Variants in CD2AP observed in about 807,000 individuals in gnomAD.
The protein encoded by CD2AP is CD2-associated protein.
CD2AP carries 46 observed loss-of-function variants against 85.1 expected under a neutral mutation model. The ratio of observed to expected loss-of-function variants is 0.54; its 90% CI spans 0.43 to 0.69. The LOEUF (loss-of-function observed/expected upper bound fraction) is 0.69. CD2AP is among the 30% of genes least tolerant of loss of function. CD2AP has a pLI of 0.00. For synonymous variants in CD2AP, 255 were observed against 252.9 expected (o/e 1.01, Z -0.08); for missense variants, 769 against 729.5 (o/e 1.05, Z -0.62).
intron 16 of CD2AP, among the ~76,000 whole-genome samples, chr6:47,610,937 AATATTTCTGATTTATATATATAT>A (rs1392053277): frequency 7.2e-6 from 1 of 138,838 alleles, no homozygotes; most frequent in African/African-American, 2.7e-5. Flanking sequence ...GAACGGATAA[AATATTTCTGATTTATATATATAT>A]ATATATATGT....
chr6:47,505,017 T>C (rs1340994815), intron 2 of CD2AP, among the ~76,000 whole-genome samples: 8 of 81,748 alleles, frequency 9.8e-5, no homozygotes, highest in African/African-American at 2.9e-4. Context: ...GTTTCTTTTT[T>C]TTTTTTTTTT....
chr6:47,563,532 G>A lies in CD2AP; in HGVS notation c.541+8766G>A, dbSNP rs138956683. ...ATTTGGTGGTTATGGTCATGCATGC[G>A]TAAGTGCAGCAGGGTGGGGATATGT... On this transcript the variant is annotated intron_variant, in intron 5 of 17. Transcript: ENST00000359314. Among the ~76,000 whole-genome samples the A allele has an allele frequency of 9.2e-5, 14 of 152,268 alleles. No individual in the cohort carries two copies. In the East Asian group the frequency reaches 1.2e-3, roughly 13 times the overall value.
chr6:47,519,970 A>C (rs1225628985), intron 2 of CD2AP, among the ~76,000 whole-genome samples: 1 of 152,210 alleles, frequency 6.6e-6, no homozygotes, highest in Non-Finnish European at 1.5e-5. Context: ...TAGATAGTAA[A>C]AAAGATTTTA....
At chr6:47,562,528 T>C in intron 5 of CD2AP, 1 of 277,722 alleles carries the variant, frequency 3.6e-6, no homozygotes, top group Non-Finnish European at 6.8e-6. Flanking sequence ...ATAAATTAGT[T>C]TGATGGCTCT....
Position 47,624,677 on chromosome 6 carries a change from C to CTGTGTG in CD2AP, c.*451_*452insGTGTGT, listed in dbSNP as rs886061523. ...TTCCATAATGCATAAGGGATATAAA[C>CTGTGTG]TCTGTGTGTGTGTGTGTGTGTGTGT... On this transcript the variant is annotated 3_prime_UTR_variant, in exon 18 of 18. Transcript: ENST00000359314. 6 of 106,076 alleles carry CTGTGTG rather than the reference C, an allele frequency of 5.7e-5. No individual in the cohort carries two copies. The highest frequency in any genetic ancestry group is 1.9e-4 in the Admixed American group (2 of 10,402). 6.6% of individuals were successfully genotyped at this position (106,076 alleles called of 1,614,324 possible). A position where few individuals can be genotyped will look rare whatever the true frequency, so the allele number is the denominator to read the frequency against.
chr6:47,491,181 T>G (rs1437932199), intron 1 of CD2AP, among the ~76,000 whole-genome samples: 3 of 152,032 alleles, frequency 2.0e-5, no homozygotes, highest in Non-Finnish European at 4.4e-5. Flanking sequence ...TAATTTATGG[T>G]AAAGCCTTTT....
At chr6:47,570,812 G>C (rs980976178) in intron 5 of CD2AP, among the ~76,000 whole-genome samples, 5 of 152,078 alleles carry the variant, frequency 3.3e-5, no homozygotes, top group Non-Finnish European at 5.9e-5. Context: ...TTCGACCCTA[G>C]AGTTCATATA....
intron 9 of CD2AP, among the ~76,000 whole-genome samples, chr6:47,580,591 C>T (rs1170673132): frequency 2.6e-5 from 4 of 152,090 alleles, no homozygotes; most frequent in Non-Finnish European, 5.9e-5. Context: ...AACATTTTTG[C>T]TCATTAAGAT....
chr6:47,482,525 C>T (rs1407969126), intron 1 of CD2AP, among the ~76,000 whole-genome samples: 5 of 151,798 alleles, frequency 3.3e-5, no homozygotes, highest in African/African-American at 9.7e-5. Context: ...ACTACAGGCA[C>T]GTGCCACCAT....
chr6:47,559,595 A>G (rs536534448), intron 5 of CD2AP, among the ~76,000 whole-genome samples: 3 of 152,252 alleles, frequency 2.0e-5, no homozygotes, highest in Admixed American at 1.3e-4. Flanking sequence ...TAATATTTTA[A>G]AATTTAATAG....
chr6:47,492,860 A>G lies in CD2AP; in HGVS notation c.5-10420A>G, dbSNP rs532992233. Among the ~76,000 whole-genome samples the G allele has an allele frequency of 3.8e-4, 58 of 151,686 alleles. No homozygotes were observed. In the South Asian group the frequency reaches 0.011, roughly 30 times the overall value. On this transcript the variant is annotated intron_variant, in intron 1 of 17. Coordinates refer to ENST00000359314, the MANE Select transcript of CD2AP (RefSeq NM_012120.3). ...TTCTTTGAGTGTTTTATATGATTCC[A>G]TTTTATGTCCTCTTTTAACATTCAA...
In CD2AP at chr6:47,506,899, A is replaced by T. The variant is rs115098553; in HGVS notation, c.165+3459A>T. Among the ~76,000 whole-genome samples, 616 of 152,290 alleles carry T rather than the reference A, an allele frequency of 4.0e-3. 2 individuals are homozygous for T. The highest frequency in any genetic ancestry group is 0.014 in the African/African-American group (562 of 41,558). On this transcript the variant is annotated intron_variant, in intron 2 of 17. Transcript: ENST00000359314. ...ATGAGACAACAATGAAGTTTGCTGC[A>T]TCAATTTGCTTATTTAGTGAAAGAT...
intron 1 of CD2AP, among the ~76,000 whole-genome samples, chr6:47,495,166 A>G (rs1249712135): frequency 1.3e-5 from 2 of 152,168 alleles, no homozygotes; most frequent in Admixed American, 1.3e-4. Context: ...TTGCGTCAAA[A>G]AGAGAGAGAG....
chr6:47,478,941 C>T (rs558062876), intron 1 of CD2AP, among the ~76,000 whole-genome samples: 1 of 152,022 alleles, frequency 6.6e-6, no homozygotes, highest in Admixed American at 6.5e-5. Flanking sequence ...AATACAAGGC[C>T]TTATATGTTA....
At chr6:47,564,627 A>G (rs1432808202) in intron 5 of CD2AP, among the ~76,000 whole-genome samples, 2 of 152,050 alleles carry the variant, frequency 1.3e-5, no homozygotes, top group Non-Finnish European at 2.9e-5. Flanking sequence ...GAAGTACACT[A>G]TAATTTTTTT....
At chr6:47,479,218 T>C (rs1765384511) in intron 1 of CD2AP, among the ~76,000 whole-genome samples, 1 of 152,186 alleles carries the variant, frequency 6.6e-6, no homozygotes, top group Admixed American at 6.5e-5. Context: ...GTAGAGCAAA[T>C]CAGGAGGACC....
chr6:47,621,560 A>G (rs1769746505), intron 17 of CD2AP, among the ~76,000 whole-genome samples: 1 of 152,154 alleles, frequency 6.6e-6, no homozygotes. Flanking sequence ...GGCTTCATAG[A>G]ATGAATTAGG....
intron 2 of CD2AP, among the ~76,000 whole-genome samples, chr6:47,507,305 C>T (rs1280474999): frequency 6.6e-6 from 1 of 152,136 alleles, no homozygotes; most frequent in African/African-American, 2.4e-5. Context: ...CTGTTTCTTC[C>T]AGACTCCCAT....
chr6:47,561,415 A>G (rs1767858327), intron 5 of CD2AP, among the ~76,000 whole-genome samples: 1 of 151,868 alleles, frequency 6.6e-6, no homozygotes, highest in African/African-American at 2.4e-5. Flanking sequence ...AGATATTCCA[A>G]GCTCATTTTG....
Sources: allele counts gnomAD v4.1 joint callset (sites outside exome capture counted in the v4.1 genomes callset), GRCh38; gene constraint gnomAD v4.1.1; transcripts MANE v1.5; gene names NCBI Gene and HGNC (gene_info 2026-07-23, HGNC 2026-07-21).